Variants in GPR39 observed in about 807,000 individuals in gnomAD.
The protein encoded by GPR39 is zinc sensing receptor.
A neutral mutation model predicts 18.4 loss-of-function variants in GPR39; 23 were observed. The ratio of observed to expected loss-of-function variants is 1.25; its 90% confidence interval spans 0.90 to 1.77. The LOEUF (loss-of-function observed/expected upper bound fraction) is 1.77, where lower values mean the gene tolerates loss of function less well. Among genes scored for constraint, GPR39 ranks in the 40% most tolerant of loss-of-function variants. GPR39 has a pLI of 0.00. For missense variants in GPR39, 647 were observed against 602.4 expected (o/e 1.07, Z -0.78); for synonymous variants, 280 against 257.9 (o/e 1.09, Z -0.82).
chr2:132,585,622 G>A (rs1402088929), intron 1 of GPR39, among the ~76,000 whole-genome samples: 5 of 152,166 alleles, frequency 3.3e-5, no homozygotes, highest in Admixed American at 2.0e-4. Context: ...GGCCGCCCCC[G>A]GGATGCGTGT....
chr2:132,567,741 T>G (rs1680376142), intron 1 of GPR39, among the ~76,000 whole-genome samples: 1 of 152,236 alleles, frequency 6.6e-6, no homozygotes, highest in Non-Finnish European at 1.5e-5. Flanking sequence ...GTCTTTTACC[T>G]TGGCTGCATA....
chr2:132,535,947 A>T (rs1463547160), intron 1 of GPR39, among the ~76,000 whole-genome samples: 9 of 128,104 alleles, frequency 7.0e-5, no homozygotes, highest in Admixed American at 1.6e-4. Context: ...GGTCTATTTG[A>T]TTCTTCTTTA....
intron 1 of GPR39, among the ~76,000 whole-genome samples, chr2:132,471,652 GTTTTTTT>G (rs60886637): frequency 7.2e-6 from 1 of 138,476 alleles, no homozygotes; most frequent in Non-Finnish European, 1.6e-5. Context: ...CCAGCAAGGA[GTTTTTTT>G]TTTTTTTTTT....
intron 1 of GPR39, among the ~76,000 whole-genome samples, chr2:132,552,987 A>G (rs1295434725): frequency 6.6e-6 from 1 of 150,608 alleles, no homozygotes; most frequent in Non-Finnish European, 1.5e-5. Context: ...CCCAGGCTGG[A>G]GTGCAGTGGT....
intron 1 of GPR39, among the ~76,000 whole-genome samples, chr2:132,591,276 AAC>A (rs1491430400): frequency 0.34 from 25,357 of 73,860 alleles, 5,409 homozygotes; most frequent in East Asian, 0.7. Context: ...AAAAAAAAAA[AAC>A]AAAAAAAAAC....
intron 1 of GPR39, among the ~76,000 whole-genome samples, chr2:132,571,020 T>C (rs1354170796): frequency 6.6e-6 from 1 of 152,170 alleles, no homozygotes; most frequent in East Asian, 1.9e-4. Context: ...ACTGTGAGTT[T>C]TGTGTATGGG....
chr2:132,628,191 G>A (rs1395569176), intron 1 of GPR39, among the ~76,000 whole-genome samples: 1 of 152,220 alleles, frequency 6.6e-6, no homozygotes, highest in East Asian at 1.9e-4. Flanking sequence ...AATTTCTGGA[G>A]CCTAATGTCC....
intron 1 of GPR39, among the ~76,000 whole-genome samples, chr2:132,434,687 A>G (rs959024288): frequency 3.3e-5 from 5 of 152,366 alleles, no homozygotes; most frequent in South Asian, 4.1e-4. Flanking sequence ...TGAAGATGCC[A>G]TCATTGTTAC....
At chr2:132,429,474 G>C (rs1163927884) in intron 1 of GPR39, among the ~76,000 whole-genome samples, 2 of 152,214 alleles carry the variant, frequency 1.3e-5, no homozygotes, top group African/African-American at 4.8e-5. Flanking sequence ...ATAGTGGTCA[G>C]AAGCTTGCTT....
chr2:132,562,683 A>C (rs886126928), intron 1 of GPR39, among the ~76,000 whole-genome samples: 1 of 152,146 alleles, frequency 6.6e-6, no homozygotes, highest in Non-Finnish European at 1.5e-5. Context: ...AGCCACTGGT[A>C]GATAGTAGTA....
chr2:132,532,037 T>C (rs1320046765), intron 1 of GPR39, among the ~76,000 whole-genome samples: 1 of 152,106 alleles, frequency 6.6e-6, no homozygotes, highest in Non-Finnish European at 1.5e-5. Flanking sequence ...CAAAAAACCC[T>C]TCAAAAAATC....
chr2:132,568,060 C>G (rs751556476), intron 1 of GPR39, among the ~76,000 whole-genome samples: 3 of 152,038 alleles, frequency 2.0e-5, no homozygotes, highest in Non-Finnish European at 4.4e-5. Flanking sequence ...TCTGATTTAA[C>G]TGGCCTTGAG....
intron 1 of GPR39, among the ~76,000 whole-genome samples, chr2:132,597,251 C>G (rs191309794): frequency 4.6e-5 from 7 of 152,350 alleles, no homozygotes; most frequent in Admixed American, 4.6e-4. Context: ...GCCCCTGATC[C>G]AGGCAGCTCT....
intron 1 of GPR39, among the ~76,000 whole-genome samples, chr2:132,541,543 C>T (rs1679861348): frequency 6.6e-6 from 1 of 152,178 alleles, no homozygotes; most frequent in Admixed American, 6.5e-5. Context: ...TCATTGACAA[C>T]TGAAAAGTGA....
chr2:132,494,392 T>C (rs1016442486), intron 1 of GPR39, among the ~76,000 whole-genome samples: 4 of 152,196 alleles, frequency 2.6e-5, no homozygotes, highest in Admixed American at 6.5e-5. Flanking sequence ...CAGGCATCTT[T>C]GCTGCCTTGT....
intron 1 of GPR39, among the ~76,000 whole-genome samples, chr2:132,448,293 G>C (rs1407098032): frequency 6.6e-6 from 1 of 152,196 alleles, no homozygotes; most frequent in Admixed American, 6.5e-5. Context: ...ACAGTAAGCT[G>C]TGTGGGGTGT....
intron 1 of GPR39, among the ~76,000 whole-genome samples, chr2:132,564,538 A>G (rs1419724824): frequency 6.6e-6 from 1 of 152,002 alleles, no homozygotes; most frequent in African/African-American, 2.4e-5. Context: ...GGAGGAGAGG[A>G]CATTCTGTTT....
intron 1 of GPR39, among the ~76,000 whole-genome samples, chr2:132,550,941 T>A (rs1476622347): frequency 6.6e-6 from 1 of 152,244 alleles, no homozygotes; most frequent in African/African-American, 2.4e-5. Context: ...TTAGAAGACC[T>A]ACTATAGTAG....
At chr2:132,524,477 T>C (rs1679475672) in intron 1 of GPR39, among the ~76,000 whole-genome samples, 1 of 152,168 alleles carries the variant, frequency 6.6e-6, no homozygotes, top group Middle Eastern at 3.4e-3. Flanking sequence ...TTGCCAGGAG[T>C]GGGGACAAGC....
Sources: allele counts gnomAD v4.1 joint callset (sites outside exome capture counted in the v4.1 genomes callset), GRCh38; gene constraint gnomAD v4.1.1; transcripts MANE v1.5; gene names NCBI Gene and HGNC (gene_info 2026-07-23, HGNC 2026-07-21).